GID4: variants seen among roughly 807,000 people sequenced by gnomAD.
The protein encoded by GID4 is glucose-induced degradation protein 4 homolog.
GID4 carries 7 observed loss-of-function variants against 32.4 expected under a neutral mutation model. The ratio of observed to expected loss-of-function variants is 0.22; its 90% confidence interval spans 0.12 to 0.41. The LOEUF is 0.41. GID4 is among the 10% of genes least tolerant of loss of function. GID4 has a pLI of 1.00. For synonymous variants in GID4, 166 were observed against 170.0 expected, an observed-to-expected ratio of 0.98 and a Z score of 0.18; for missense variants, 309 against 400.0, an observed-to-expected ratio of 0.77 and a Z score of 1.94.
At chr17:18,050,894 G>A (rs968887618) in intron 2 of GID4, among the ~76,000 whole-genome samples, 45 of 152,054 alleles carry the variant, frequency 3.0e-4, no homozygotes, top group African/African-American at 1.0e-3. Flanking sequence ...TTTTTCGTCC[G>A]CTCTATAAAT....
intron 3 of GID4, among the ~76,000 whole-genome samples, chr17:18,055,671 G>C (rs1338963821): frequency 6.6e-6 from 1 of 151,922 alleles, no homozygotes; most frequent in South Asian, 2.1e-4. Flanking sequence ...TTTTATTTTT[G>C]TAGAGACAGA....
intron 3 of GID4, chr17:18,056,985 A>G (rs2044974642): frequency 1.9e-6 from 3 of 1,550,058 alleles, no homozygotes; most frequent in Non-Finnish European, 1.7e-6. Context: ...TACAATGTCT[A>G]ATACACTTCA....
chr17:18,039,408 GTGTGTGTGTC>G lies in GID4; in HGVS notation c.-47_-38del, dbSNP rs1023996048. The G allele has an allele frequency of 1.5e-5, 19 of 1,243,642 alleles. No individual in the cohort carries two copies. In the African/African-American group the frequency reaches 2.0e-4, roughly 13 times the overall value. 77.0% of individuals were successfully genotyped at this position (1,243,642 alleles called of 1,614,324 possible). A position where few individuals can be genotyped will look rare whatever the true frequency, so the allele number is the denominator to read the frequency against. ...CTGAGCCAATCGGAAGGGGCGGGGT[GTGTGTGTGTC>G]TGTGTGTGTTTGTGTGTTGTGTGTC... On this transcript the variant is annotated 5_prime_UTR_variant, in exon 1 of 6. Transcript: ENST00000268719. This position sits in a 1 kb window ranked among gnomAD's most constrained non-coding sequence, Gnocchi z 5.3.
chr17:18,059,490 G>A (rs927541078), intron 4 of GID4, among the ~76,000 whole-genome samples: 8 of 152,136 alleles, frequency 5.3e-5, no homozygotes, highest in African/African-American at 9.7e-5. Flanking sequence ...ATGAGGGACC[G>A]GGAATGGAAC....
chr17:18,057,371 G>A (rs1055210713), intron 3 of GID4: 15 of 237,844 alleles, frequency 6.3e-5, no homozygotes, highest in Non-Finnish European at 1.1e-4. Context: ...GGCGGAGATT[G>A]CAGTGAGCTG....
intron 2 of GID4, among the ~76,000 whole-genome samples, chr17:18,052,043 C>T (rs528062059): frequency 1.5e-4 from 22 of 150,620 alleles, no homozygotes; most frequent in Non-Finnish European, 2.8e-4. Flanking sequence ...CACTGCATTC[C>T]GGTCTGGGCG....
intron 3 of GID4, among the ~76,000 whole-genome samples, chr17:18,055,498 T>A (rs540566740): frequency 2.2e-4 from 34 of 152,146 alleles, no homozygotes; most frequent in Middle Eastern, 3.4e-3. Context: ...TTAAAAAAAA[T>A]TTTTTTTAGA....
In GID4 at chr17:18,039,688, C is replaced by G. The variant is rs775970305; in HGVS notation, c.224C>G (p.Pro75Arg). Reference protein sequence around the residue: ...AAAAVPLPLPPALAPGDPAMP... With the variant: ...AAAAVPLPLPRALAPGDPAMP... ...GCGGCGGTTCCTCTCCCACTCCCCC[C>G]AGCCCTGGCTCCGGGGGACCCCGCG... is the stretch of plus-strand genomic sequence containing the variant. Residue 75 changes from proline to arginine, a missense_variant, in exon 1 of 6, where the codon CCA (proline) becomes CGA (arginine). Physicochemically the swap from Pro to Arg is moderately radical, Grantham distance 103. Transcript: ENST00000268719. This position sits in a 1 kb window ranked among gnomAD's most constrained non-coding sequence, Gnocchi z 5.3. 1.2e-5 allele frequency: 18 copies of G among 1,465,332 alleles called. No individual in the cohort carries two copies. In the East Asian group the frequency reaches 3.6e-4, roughly 29 times the overall value. The allele number at this position is 1,465,332 out of a possible 1,614,324, so 90.8% of individuals were successfully genotyped here. A position where few individuals can be genotyped will look rare whatever the true frequency, so the allele number is the denominator to read the frequency against.
rs1282773999 is a variant in GID4, at chr17:18,067,927, T to C, written c.*2684T>C. The C allele has an allele frequency of 6.6e-6, 1 of 152,666 alleles. No individual in the cohort carries two copies. Among genetic ancestry groups the C allele is most frequent in the East Asian group, 1.9e-4 (1 of 5,204 alleles). 9.5% of individuals were successfully genotyped at this position (152,666 alleles called of 1,614,324 possible). A position where few individuals can be genotyped will look rare whatever the true frequency, so the allele number is the denominator to read the frequency against. On this transcript the variant is annotated 3_prime_UTR_variant, in exon 6 of 6. Coordinates refer to ENST00000268719, the MANE Select transcript of GID4 (RefSeq NM_024052.5). ...TCCACCCACCCACCCTTTTCAAGTTTAGATAGTGTTTCAGCTGCTGTCCCA... is the reference window on the plus strand; with the variant it reads ...TCCACCCACCCACCCTTTTCAAGTTCAGATAGTGTTTCAGCTGCTGTCCCA...
At chr17:18,045,270 G>A (rs1351001658) in intron 2 of GID4, 64 bp downstream of exon 2, 6 of 1,330,144 alleles carry the variant, frequency 4.5e-6, no homozygotes, top group African/African-American at 4.3e-5. Flanking sequence ...GGCTCATTGG[G>A]GTTCAGGGCA....
chr17:18,039,842 C>CA lies in GID4; in HGVS notation c.380dup (p.Phe128ValfsTer35). The CA allele has an allele frequency of 6.4e-7, 1 of 1,551,406 alleles. No individual in the cohort carries two copies. The highest frequency in any genetic ancestry group is 8.7e-7 in the Non-Finnish European group (1 of 1,147,654). On this transcript the variant is annotated frameshift_variant, in exon 1 of 6. Coordinates refer to ENST00000268719, the MANE Select transcript of GID4 (RefSeq NM_024052.5). LOFTEE classifies it high-confidence loss of function. The surrounding 1 kb of genome is among the most constrained non-coding windows in gnomAD (Gnocchi z 5.3). ...CCACCAGCCTGCTCTACAGCGGCTC[C>CA]AAGTTCCGCGGCCACCAGAAGAGCA...
intron 4 of GID4, among the ~76,000 whole-genome samples, chr17:18,060,348 A>G (rs1346534549): frequency 2.0e-5 from 3 of 147,044 alleles, no homozygotes; most frequent in Non-Finnish European, 3.0e-5. Flanking sequence ...CAGTGAGCCA[A>G]GATTGCGCTA....
intron 3 of GID4, among the ~76,000 whole-genome samples, chr17:18,055,948 A>C (rs2044963079): frequency 6.6e-6 from 1 of 152,152 alleles, no homozygotes; most frequent in Admixed American, 6.5e-5. Flanking sequence ...TCCGCCTCCC[A>C]GATTCAAGTG....
chr17:18,044,611 G>T (rs1349154562), intron 1 of GID4, among the ~76,000 whole-genome samples: 1 of 152,222 alleles, frequency 6.6e-6, no homozygotes, highest in Non-Finnish European at 1.5e-5. Flanking sequence ...TTTATAAGAT[G>T]CCATTTCTGA....
Position 18,039,853 on chromosome 17 carries a change from G to A in GID4, c.389G>A (p.Gly130Asp). ...SLLYSGSKFR[G>D]HQKSKGNSYD... ...CTCTACAGCGGCTCCAAGTTCCGCG[G>A]CCACCAGAAGAGCAAGGGGAACTCG... The change falls in exon 1 of 6, where the codon GGC (glycine) becomes GAC (aspartate). Residue 130 changes from glycine (G) to aspartate (D), a missense_variant. Physicochemically the swap from Gly to Asp is moderately conservative, Grantham distance 94 (BLOSUM62 -1). Coordinates refer to ENST00000268719, the MANE Select transcript of GID4 (RefSeq NM_024052.5). This position sits in a 1 kb window ranked among gnomAD's most constrained non-coding sequence, Gnocchi z 5.3. The A allele has an allele frequency of 6.5e-7, 1 of 1,547,296 alleles. No individual in the cohort carries two copies. The highest frequency in any genetic ancestry group is 8.7e-7 in the Non-Finnish European group (1 of 1,145,318).
At chr17:18,060,520 C>T (rs1447511253) in intron 4 of GID4, among the ~76,000 whole-genome samples, 1 of 151,662 alleles carries the variant, frequency 6.6e-6, no homozygotes, top group Non-Finnish European at 1.5e-5. Context: ...GGAAACATGT[C>T]AACTAAACAA....
At chr17:18,051,075 G>A (rs1017299782) in intron 2 of GID4, among the ~76,000 whole-genome samples, 5 of 152,174 alleles carry the variant, frequency 3.3e-5, no homozygotes, top group Non-Finnish European at 4.4e-5. Flanking sequence ...ACTGCCTAAA[G>A]TATGTTTACA....
intron 2 of GID4, among the ~76,000 whole-genome samples, chr17:18,053,511 G>T (rs1010034379): frequency 6.6e-6 from 1 of 152,068 alleles, no homozygotes. Flanking sequence ...TACTCGGGAG[G>T]CTGAGGTAGG....
chr17:18,044,772 G>A (rs1181549674), intron 1 of GID4, among the ~76,000 whole-genome samples: 2 of 152,160 alleles, frequency 1.3e-5, no homozygotes, highest in East Asian at 3.9e-4. Context: ...CTGAGGTTAG[G>A]GATGACACCA....
Sources: allele counts gnomAD v4.1 joint callset (sites outside exome capture counted in the v4.1 genomes callset), GRCh38; gene constraint gnomAD v4.1.1; non-coding constraint Gnocchi (gnomAD v3.1); transcripts MANE v1.5; gene names NCBI Gene and HGNC (gene_info 2026-07-23, HGNC 2026-07-21).